Variants in CLYBL observed in about 807,000 individuals in gnomAD.
CLYBL encodes citramalyl-CoA lyase.
In CLYBL, 31 loss-of-function variants were observed where a neutral mutation model predicts 38.9. The ratio of observed to expected loss-of-function variants is 0.80; its 90% CI spans 0.60 to 1.08. The LOEUF (loss-of-function observed/expected upper bound fraction) is 1.08, where lower values mean the gene tolerates loss of function less well. Among genes scored for constraint, CLYBL ranks in the 50% least tolerant of loss-of-function variants. CLYBL has a pLI of 0.00. For missense variants in CLYBL, 434 were observed against 411.6 expected (o/e 1.05, Z -0.47); for synonymous variants, 171 against 158.6 (o/e 1.08, Z -0.59).
chr13:99,835,099 T>C (rs777881062), intron 2 of CLYBL, among the ~76,000 whole-genome samples: 20 of 152,206 alleles, frequency 1.3e-4, no homozygotes, highest in Non-Finnish European at 2.4e-4. Flanking sequence ...TGTGGTTACC[T>C]CTTTCCAGAT....
At chr13:99,825,325 T>C (rs182643315) in intron 2 of CLYBL, among the ~76,000 whole-genome samples, 14 of 152,274 alleles carry the variant, frequency 9.2e-5, no homozygotes, top group African/African-American at 3.1e-4. Flanking sequence ...ATGGGAATAA[T>C]ATCAGCTACC....
chr13:99,674,309 G>A (rs982515398), intron 1 of CLYBL, among the ~76,000 whole-genome samples: 2 of 151,686 alleles, frequency 1.3e-5, no homozygotes, highest in African/African-American at 4.8e-5. Flanking sequence ...GTGCCACCAT[G>A]CCTGGCTAAT....
At chr13:99,906,703 C>T (rs6491538) in intron 9 of CLYBL, among the ~76,000 whole-genome samples, 110,189 of 152,042 alleles carry the variant, frequency 0.72, 40,222 homozygotes, top group Middle Eastern at 0.76. Context: ...GGCTTACAGG[C>T]GTGAGCCACC....
intron 2 of CLYBL, among the ~76,000 whole-genome samples, chr13:99,821,349 G>A (rs748382338): frequency 1.1e-4 from 16 of 152,178 alleles, no homozygotes; most frequent in Non-Finnish European, 2.1e-4. Flanking sequence ...GCACCTAACC[G>A]TGCCTGGCAT....
Position 99,797,556 on chromosome 13 carries a change from C to CTCTGTGTGTGTGTGTGTGTGTG in CLYBL, c.249+24547_249+24548insCTGTGTGTGTGTGTGTGTGTGT, listed in dbSNP as rs775220789. 7.7e-4 allele frequency among the ~76,000 whole-genome samples: 29 copies of CTCTGTGTGTGTGTGTGTGTGTG among 37,514 alleles called. No individual in the cohort carries two copies. In the East Asian group the frequency reaches 0.021, roughly 27 times the overall value. The allele number at this position is 37,514 out of a possible 152,430, so 24.6% of individuals were successfully genotyped here. A position where few individuals can be genotyped will look rare whatever the true frequency, so the allele number is the denominator to read the frequency against. Reference sequence around the variant, plus strand: ...AAGATTTCTGTGTCTGCCATGTTAGCTGTTTGTGTGTGTGTGTGTGTGTGT... The same window carrying CTCTGTGTGTGTGTGTGTGTGTG: ...AAGATTTCTGTGTCTGCCATGTTAGCTCTGTGTGTGTGTGTGTGTGTGTGTTTGTGTGTGTGTGTGTGTGTGT... On this transcript the variant is annotated intron_variant, in intron 2 of 8. Coordinates refer to ENST00000339105, the MANE Select transcript of CLYBL (RefSeq NM_206808.5).
At chr13:99,702,101 AC>A (rs1298610314) in intron 1 of CLYBL, among the ~76,000 whole-genome samples, 1 of 151,818 alleles carries the variant, frequency 6.6e-6, no homozygotes, top group African/African-American at 2.4e-5. Flanking sequence ...TTTTCATCAC[AC>A]CTTTTATTTT....
chr13:99,662,510 CTTTTT>C (rs34634591), intron 1 of CLYBL, among the ~76,000 whole-genome samples: 3 of 122,380 alleles, frequency 2.5e-5, no homozygotes, highest in Non-Finnish European at 5.1e-5. Flanking sequence ...ATCTTTAAAA[CTTTTT>C]TTTTTTTTTT....
intron 6 of CLYBL, among the ~76,000 whole-genome samples, chr13:99,870,144 G>C (rs1272930615): frequency 6.6e-6 from 1 of 152,058 alleles, no homozygotes; most frequent in Non-Finnish European, 1.5e-5. Context: ...GATATGTAGG[G>C]TGCTATAAAG....
At chr13:99,694,667 C>T (rs1474078662) in intron 1 of CLYBL, among the ~76,000 whole-genome samples, 1 of 152,140 alleles carries the variant, frequency 6.6e-6, no homozygotes, top group East Asian at 1.9e-4. Flanking sequence ...AGGAGCACGT[C>T]TAAATGGAAA....
intron 1 of CLYBL, among the ~76,000 whole-genome samples, chr13:99,702,142 C>G (rs2048076182): frequency 6.6e-6 from 1 of 151,974 alleles, no homozygotes; most frequent in Admixed American, 6.6e-5. Context: ...CAGAGTTTTG[C>G]TTTGTGGCCC....
chr13:99,810,819 T>C (rs1233014369), intron 2 of CLYBL, among the ~76,000 whole-genome samples: 1 of 152,072 alleles, frequency 6.6e-6, no homozygotes, highest in Non-Finnish European at 1.5e-5. Context: ...TCCCTTTCCT[T>C]CCTTCCCTCC....
chr13:99,776,945 G>A (rs943692731), intron 2 of CLYBL, among the ~76,000 whole-genome samples: 3 of 151,250 alleles, frequency 2.0e-5, no homozygotes, highest in African/African-American at 7.3e-5. Context: ...GTGCGATCTC[G>A]GCTCACTCAC....
At chr13:99,696,558 A>G (rs1001888971) in intron 1 of CLYBL, among the ~76,000 whole-genome samples, 6 of 152,284 alleles carry the variant, frequency 3.9e-5, no homozygotes, top group African/African-American at 7.2e-5. Context: ...ATTTAAATCT[A>G]TGATTCAAGT....
intron 2 of CLYBL, among the ~76,000 whole-genome samples, chr13:99,840,777 AAAAGG>A (rs2051056120): frequency 2.0e-5 from 3 of 146,464 alleles, no homozygotes; most frequent in African/African-American, 8.0e-5. Context: ...AAAAAAAAAA[AAAAGG>A]GTTACATATG....
chr13:99,648,128 CAAAT>C (rs916197388), intron 1 of CLYBL, among the ~76,000 whole-genome samples: 2 of 151,620 alleles, frequency 1.3e-5, no homozygotes, highest in Non-Finnish European at 1.5e-5. Context: ...AGGTCACAGA[CAAAT>C]AAAGAAAGTA....
At chr13:99,794,581 T>TTTATTATTATTATTATTA (rs1221444900) in intron 2 of CLYBL, among the ~76,000 whole-genome samples, 8,298 of 143,774 alleles carry the variant, frequency 0.058, 387 homozygotes, top group African/African-American at 0.12. Flanking sequence ...TATATTTTCA[T>TTTATTATTATTATTATTA]TTATTATTAT....
intron 1 of CLYBL, among the ~76,000 whole-genome samples, chr13:99,670,286 G>A (rs2047546182): frequency 2.6e-5 from 4 of 152,184 alleles, no homozygotes; most frequent in Admixed American, 2.0e-4. Context: ...GAGCCCAGGA[G>A]TTTGAGGCTA....
intron 1 of CLYBL, among the ~76,000 whole-genome samples, chr13:99,737,125 G>T (rs755589782): frequency 3.7e-4 from 57 of 152,234 alleles, no homozygotes; most frequent in Non-Finnish European, 6.8e-4. Context: ...TGAAGAATAT[G>T]GGGGGCATCA....
chr13:99,645,380 C>A (rs1454832963), intron 1 of CLYBL, among the ~76,000 whole-genome samples: 2 of 151,768 alleles, frequency 1.3e-5, no homozygotes, highest in African/African-American at 4.8e-5. Context: ...TGCCTGTAGT[C>A]CCAGCTACTT....
Sources: gnomAD v4.1 joint callset for allele counts (sites outside exome capture counted in the v4.1 genomes callset) on GRCh38, gnomAD v4.1.1 for gene constraint, MANE v1.5 for transcripts, NCBI Gene and HGNC (gene_info 2026-07-23, HGNC 2026-07-21) for gene names.